EPS8L3: variants seen among roughly 807,000 people sequenced by gnomAD.
EPS8L3 encodes the protein EPS8 signaling adaptor L3, also known as epidermal growth factor receptor kinase substrate 8-like protein 3.
A neutral mutation model predicts 88.5 loss-of-function variants in EPS8L3; 80 were observed. That is an observed-to-expected ratio of 0.90 (90% CI 0.75 to 1.09). The LOEUF is 1.09. Ranked by LOEUF, EPS8L3 falls within the 50% of genes least tolerant of loss-of-function variation. The pLI is 0.00. For synonymous variants in EPS8L3, 286 were observed against 291.0 expected, an observed-to-expected ratio of 0.98 and a Z score of 0.18; for missense variants, 721 against 735.2, an observed-to-expected ratio of 0.98 and a Z score of 0.22.
rs771583640 is a variant in EPS8L3, at chr1:109,751,665, A to G, written c.1552T>C (p.Ser518Pro). The G allele has an allele frequency of 4.3e-6, 7 of 1,613,940 alleles. No homozygotes were observed. Among genetic ancestry groups the G allele is most frequent in the South Asian group, 1.1e-5 (1 of 91,070 alleles). ...QPGTPGTQGQ[S>P]PSRVPMLRLS... is the part of the protein sequence containing the mutation. ...AGGCTGGGTAGTACCCGAGAGGGTG[A>G]CTGGCCCTGGGTCCCAGGGGTCCCC... Residue 518 changes from serine (S) to proline (P), a missense_variant, in exon 16 of 19, where the codon TCA (serine) becomes CCA (proline). Ser to Pro is a moderately conservative substitution (Grantham distance 74). Coordinates refer to ENST00000361965, the MANE Select transcript of EPS8L3 (RefSeq NM_133181.4).
At position 109,752,729 on chromosome 1, in the gene EPS8L3, G is replaced by A; in HGVS notation, c.1201-9C>T. The stretch of plus-strand genomic sequence containing the variant: ...TGGTATCCTAAGGGTGCCTGTAAGG[G>A]ACAGAACAGAGAGTGAGTAAGAGCA... On this transcript the variant is annotated splice_polypyrimidine_tract_variant and intron_variant, in intron 13 of 18. Coordinates refer to ENST00000361965, the MANE Select transcript of EPS8L3 (RefSeq NM_133181.4). 6.4e-7 allele frequency: 1 copy of A among 1,551,792 alleles called. No individual in the cohort carries two copies. Among genetic ancestry groups the A allele is most frequent in the South Asian group, 1.2e-5 (1 of 84,062 alleles).
intron 14 of EPS8L3, chr1:109,752,419 A>G (rs1375429155): frequency 3.3e-6 from 2 of 606,102 alleles, no homozygotes; most frequent in Non-Finnish European, 5.8e-6. Flanking sequence ...AATTTTCTAC[A>G]TCTGAGTTCT....
Position 109,757,016 on chromosome 1 carries a change from C to G in EPS8L3, c.1118+1G>C. On this transcript the variant is annotated splice_donor_variant, in intron 12 of 18. Coordinates refer to ENST00000361965, the MANE Select transcript of EPS8L3 (RefSeq NM_133181.4). LOFTEE classifies it high-confidence loss of function. ...TCAGTTCAGGCTTTGTCTTCACTCA[C>G]CGGCTAGTGGTCCAGGCTGGGCCCA... 6.2e-7 allele frequency: 1 copy of G among 1,614,224 alleles called. No individual in the cohort carries two copies. The highest frequency in any genetic ancestry group is 8.5e-7 in the Non-Finnish European group (1 of 1,180,038).
intron 3 of EPS8L3, among the ~76,000 whole-genome samples, chr1:109,760,089 G>A (rs779348665): frequency 6.6e-6 from 1 of 152,144 alleles, no homozygotes; most frequent in Non-Finnish European, 1.5e-5. Flanking sequence ...TCTGGAGGAA[G>A]GACAGGCATG....
intron 12 of EPS8L3, 44 bp downstream of exon 12, chr1:109,756,973 A>G (rs1486693108): frequency 6.2e-7 from 1 of 1,613,724 alleles, no homozygotes; most frequent in Non-Finnish European, 8.5e-7. Context: ...TGATGCCTCC[A>G]TGCCCCTCAC....
Position 109,750,418 on chromosome 1 carries a change from G to C in EPS8L3, c.1771-16C>G, listed in dbSNP as rs775568104. ...AAGGGCTTATCTGAGGAAAGACAAA[G>C]ATTCAGATGAGGCTGATGGCAGGTG... is the stretch of plus-strand genomic sequence containing the variant. On this transcript the variant is annotated splice_polypyrimidine_tract_variant and intron_variant, in intron 18 of 18. Transcript: ENST00000361965. The C allele has an allele frequency of 6.2e-7, 1 of 1,613,556 alleles. No individual in the cohort carries two copies.
intron 12 of EPS8L3, among the ~76,000 whole-genome samples, chr1:109,755,979 T>A (rs1235596537): frequency 1.3e-5 from 2 of 152,260 alleles, no homozygotes; most frequent in Non-Finnish European, 2.9e-5. Flanking sequence ...TTCTTAACCC[T>A]TTTTGCACTT....
Position 109,759,370 on chromosome 1 carries a change from G to A in EPS8L3, c.273C>T (p.Tyr91=). The change falls in exon 5 of 19, where the codon TAC becomes TAT. Residue 91 remains tyrosine, a synonymous_variant. Coordinates refer to ENST00000361965, the MANE Select transcript of EPS8L3 (RefSeq NM_133181.4). The surrounding 1 kb of genome is among the most constrained non-coding windows in gnomAD (Gnocchi z 4.2). ...TCATGGCCTGGATGCTGTCTAGGCG[G>A]TAAGAGTCCAGCTCCTCCTGGGCCA... ...DIETKEELDS[Y]RLDSIQAMNV... 1.2e-6 allele frequency: 2 copies of A among 1,614,106 alleles called. No homozygotes were observed. The highest frequency in any genetic ancestry group is 1.7e-6 in the Non-Finnish European group (2 of 1,179,998).
At chr1:109,751,595 C>T in intron 16 of EPS8L3, 59 bp downstream of exon 16, 1 of 1,611,148 alleles carries the variant, frequency 6.2e-7, no homozygotes, top group East Asian at 2.2e-5. Context: ...ACTGAATCCT[C>T]CCCACCCCGA....
chr1:109,758,277 C>T lies in EPS8L3; in HGVS notation c.717+39G>A, dbSNP rs200317030. ...GTTGGTGTCCTTCCTTTTCCCAGGC[C>T]CAGAAAGCCTCAGCAAACTCAAGAC... On this transcript the variant is annotated intron_variant, in intron 8 of 18. Coordinates refer to ENST00000361965, the MANE Select transcript of EPS8L3 (RefSeq NM_133181.4). 9 of 1,573,194 alleles carry T rather than the reference C, an allele frequency of 5.7e-6. No individual in the cohort carries two copies. The Admixed American group carries it at 1.0e-4, about 18-fold the overall frequency.
At position 109,759,326 on chromosome 1, in the gene EPS8L3, CAT is replaced by C. The variant is rs1480245459; in HGVS notation, c.315_316del (p.Cys106PhefsTer19). The C allele has an allele frequency of 1.9e-6, 3 of 1,614,192 alleles. No homozygotes were observed. Among genetic ancestry groups the C allele is most frequent in the East Asian group, 2.2e-5 (1 of 44,884 alleles). On this transcript the variant is annotated frameshift_variant, in exon 5 of 19. Coordinates refer to ENST00000361965, the MANE Select transcript of EPS8L3 (RefSeq NM_133181.4). LOFTEE classifies it high-confidence loss of function. The surrounding 1 kb of genome is among the most constrained non-coding windows in gnomAD (Gnocchi z 4.2). Reference sequence around the variant, plus strand: ...GATGGACAGGATGGAGTTGTAGGAACATGTGTTGAGCGCCACATTCATGGCCT... The same window carrying C: ...GATGGACAGGATGGAGTTGTAGGAACGTGTTGAGCGCCACATTCATGGCCT...
chr1:109,757,396 C>T, intron 11 of EPS8L3, 85 bp downstream of exon 11: 1 of 1,359,744 alleles, frequency 7.4e-7, no homozygotes, highest in Non-Finnish European at 1.0e-6. Context: ...GCTCCCCCAT[C>T]CCCCTCCACC....
At chr1:109,761,810 C>T in intron 1 of EPS8L3, 37 bp from the exon 2 acceptor site, 1 of 1,595,298 alleles carries the variant, frequency 6.3e-7, no homozygotes, top group Non-Finnish European at 8.6e-7. Flanking sequence ...GCCATCAGAG[C>T]TGGGGAAAGG....
intron 3 of EPS8L3, 137 bp downstream of exon 3, chr1:109,761,358 A>T: frequency 1.4e-6 from 1 of 722,344 alleles, no homozygotes; most frequent in South Asian, 1.8e-5. Flanking sequence ...ATCTGAGTCC[A>T]TGCGACATGG....
At chr1:109,760,239 A>T (rs1439666576) in intron 3 of EPS8L3, among the ~76,000 whole-genome samples, 2 of 152,126 alleles carry the variant, frequency 1.3e-5, no homozygotes, top group Non-Finnish European at 2.9e-5. Context: ...TTGGGAACTC[A>T]GTCCCAGCCC....
At position 109,759,024 on chromosome 1, in the gene EPS8L3, G is replaced by A. The variant is rs749709187; in HGVS notation, c.461+38C>T. 5.1e-6 allele frequency: 8 copies of A among 1,569,222 alleles called. No homozygotes were observed. The highest frequency in any genetic ancestry group is 6.9e-6 in the Non-Finnish European group (8 of 1,155,400). On this transcript the variant is annotated intron_variant, in intron 6 of 18. Transcript: ENST00000361965. This position sits in a 1 kb window ranked among gnomAD's most constrained non-coding sequence, Gnocchi z 4.2. ...AGGGTCTGGCCCCCGAGGCTGAGCT[G>A]GGAGGCCCCATAGGTGGGCTGGGCA...
chr1:109,753,272 G>A, intron 12 of EPS8L3, 74 bp from the exon 13 acceptor site: 1 of 1,244,904 alleles, frequency 8.0e-7, no homozygotes, highest in South Asian at 1.4e-5. Context: ...CGCGGACAGG[G>A]AGGGGACGAC....
intron 18 of EPS8L3, 101 bp from the exon 19 acceptor site, chr1:109,750,503 A>G: frequency 6.3e-7 from 1 of 1,584,614 alleles, no homozygotes; most frequent in Non-Finnish European, 8.6e-7. Flanking sequence ...GCCTGAATGC[A>G]TGAAGCTAAG....
rs1175329525 is a variant in EPS8L3 at position 109,757,097 on chromosome 1, A to G, written c.1038T>C (p.Ala346=). 1 of 1,614,114 alleles carries G rather than the reference A, an allele frequency of 6.2e-7. No individual in the cohort carries two copies. Residue 346 remains alanine (A), a synonymous_variant, in exon 12 of 19, where the codon GCT becomes GCC. Coordinates refer to ENST00000361965, the MANE Select transcript of EPS8L3 (RefSeq NM_133181.4). ...QVISPLLTPK[A]INLLQSCLSP... is the part of the protein sequence containing the mutation. ...TTAGACAGGACTGTAGCAGGTTGAT[A>G]GCTTTAGGGGTGAGGAGGGGTGAGA...
Sources: gnomAD v4.1 joint callset for allele counts (sites outside exome capture counted in the v4.1 genomes callset) on GRCh38, gnomAD v4.1.1 for gene constraint, Gnocchi (gnomAD v3.1) non-coding constraint, MANE v1.5 for transcripts, NCBI Gene and HGNC (gene_info 2026-07-23, HGNC 2026-07-21) for gene names.